Variants in LAMA2 observed in about 807,000 individuals in gnomAD.
The protein encoded by LAMA2 is laminin subunit alpha-2.
Under a neutral mutation model 364.8 loss-of-function variants are expected in LAMA2, and 269 were observed. The observed-to-expected ratio is 0.74, with a 90% CI of 0.67 to 0.82. LAMA2 has a LOEUF of 0.82. LAMA2 is among the 40% of genes least tolerant of loss of function. LAMA2 has a pLI of 0.00. For missense variants in LAMA2, 3,807 were observed against 3,873.2 expected, an observed-to-expected ratio of 0.98 and a Z score of 0.45; for synonymous variants, 1,379 against 1,370.6, an observed-to-expected ratio of 1.01 and a Z score of -0.14.
chr6:128,937,754 C>A (rs1038946866), intron 1 of LAMA2, among the ~76,000 whole-genome samples: 21 of 151,088 alleles, frequency 1.4e-4, no homozygotes, highest in African/African-American at 4.6e-4. Context: ...TTATATTGAT[C>A]TTTTCTATTC....
chr6:129,181,136 A>G (rs918445555), intron 10 of LAMA2, among the ~76,000 whole-genome samples: 6 of 152,118 alleles, frequency 3.9e-5, no homozygotes, highest in African/African-American at 1.2e-4. Flanking sequence ...AATGGGATAC[A>G]TTTTTATTCT....
intron 54 of LAMA2, 121 bp downstream of exon 54, chr6:129,478,934 C>G (rs984445743): frequency 9.2e-6 from 8 of 873,392 alleles, no homozygotes; most frequent in Non-Finnish European, 1.5e-5. Flanking sequence ...TGATCCTACT[C>G]TTAAACGATA....
intron 37 of LAMA2, among the ~76,000 whole-genome samples, 198 bp from the exon 38 acceptor site, chr6:129,401,026 T>C (rs889138292): frequency 6.6e-6 from 1 of 152,212 alleles, no homozygotes; most frequent in Non-Finnish European, 1.5e-5. Context: ...GAAGAAGAAA[T>C]AACCTGTACA....
At chr6:129,375,401 G>T (rs932332577) in intron 34 of LAMA2, among the ~76,000 whole-genome samples, 7 of 152,074 alleles carry the variant, frequency 4.6e-5, no homozygotes, top group Admixed American at 4.6e-4. Context: ...TAAAGACTTG[G>T]AGACAAGTCT....
intron 1 of LAMA2, among the ~76,000 whole-genome samples, chr6:128,974,663 G>A (rs1381014851): frequency 1.3e-5 from 2 of 152,126 alleles, no homozygotes; most frequent in African/African-American, 2.4e-5. Context: ...TTTGGGAAAT[G>A]TTTGAGAAGT....
chr6:129,406,870 C>T (rs1392708646), intron 40 of LAMA2, among the ~76,000 whole-genome samples: 5 of 152,122 alleles, frequency 3.3e-5, no homozygotes, highest in East Asian at 1.9e-4. Context: ...GAAGCCAGCC[C>T]GAGTCCCAAA....
At chr6:128,950,370 A>T (rs538410746) in intron 1 of LAMA2, among the ~76,000 whole-genome samples, 94 of 152,322 alleles carry the variant, frequency 6.2e-4, no homozygotes, top group African/African-American at 2.2e-3. Flanking sequence ...TTATTTCAGA[A>T]GCAACATACC....
chr6:129,338,798 G>A (rs976818953), intron 29 of LAMA2, among the ~76,000 whole-genome samples: 20 of 152,282 alleles, frequency 1.3e-4, no homozygotes, highest in African/African-American at 4.1e-4. Context: ...ATAAGTGCTA[G>A]CCTGATATAC....
intron 1 of LAMA2, among the ~76,000 whole-genome samples, chr6:128,941,874 C>T (rs965620263): frequency 6.6e-6 from 1 of 152,086 alleles, no homozygotes; most frequent in Non-Finnish European, 1.5e-5. Context: ...CAATAATAGA[C>T]CTCCATCACT....
At chr6:129,314,866 C>G in intron 24 of LAMA2, 68 bp downstream of exon 24, 4 of 1,543,962 alleles carry the variant, frequency 2.6e-6, no homozygotes, top group Middle Eastern at 3.8e-4. Context: ...TTTAGTCAGG[C>G]ACTGAGGGGT....
intron 1 of LAMA2, among the ~76,000 whole-genome samples, chr6:128,961,364 T>TATATATATC (rs1781509356): frequency 1.0e-5 from 1 of 100,440 alleles, no homozygotes; most frequent in Non-Finnish European, 2.0e-5. Flanking sequence ...TATATATATA[T>TATATATATC]ATATTAGTTT....
At chr6:128,930,873 C>T (rs1779429070) in intron 1 of LAMA2, among the ~76,000 whole-genome samples, 1 of 152,182 alleles carries the variant, frequency 6.6e-6, no homozygotes, top group Non-Finnish European at 1.5e-5. Context: ...CCTTTTAAAA[C>T]ACCCACGGTT....
At chr6:129,239,004 A>G (rs1358155216) in intron 12 of LAMA2, among the ~76,000 whole-genome samples, 3 of 152,184 alleles carry the variant, frequency 2.0e-5, no homozygotes, top group African/African-American at 7.2e-5. Flanking sequence ...TATAGTAGTC[A>G]GAGAATCTTG....
intron 40 of LAMA2, among the ~76,000 whole-genome samples, chr6:129,422,122 G>A (rs967319308): frequency 3.3e-5 from 5 of 152,018 alleles, no homozygotes; most frequent in African/African-American, 7.2e-5. Flanking sequence ...TGAAATACTC[G>A]CTCTCACATC....
chr6:128,936,561 C>T (rs1228213839), intron 1 of LAMA2, among the ~76,000 whole-genome samples: 1 of 152,092 alleles, frequency 6.6e-6, no homozygotes, highest in Admixed American at 6.6e-5. Flanking sequence ...ATATAGTATG[C>T]TTTTTATTCT....
intron 9 of LAMA2, among the ~76,000 whole-genome samples, chr6:129,171,645 T>C (rs574582410): frequency 2.0e-5 from 3 of 147,352 alleles, no homozygotes; most frequent in Admixed American, 6.8e-5. Context: ...ATCTGACAAT[T>C]ATGTGTCTTG....
chr6:129,093,697 G>A (rs907805241), intron 3 of LAMA2, among the ~76,000 whole-genome samples: 1 of 152,194 alleles, frequency 6.6e-6, no homozygotes, highest in Non-Finnish European at 1.5e-5. Flanking sequence ...GTAATTAAAT[G>A]ATATTTTGTT....
intron 63 of LAMA2, among the ~76,000 whole-genome samples, chr6:129,513,470 G>GC (rs1786768655): frequency 6.6e-6 from 1 of 152,070 alleles, no homozygotes; most frequent in South Asian, 2.1e-4. Context: ...CCTTTTACAT[G>GC]CAAAAGCCTG....
chr6:129,126,904 G>GA lies in LAMA2; in HGVS notation c.640-16991dup, dbSNP rs201514199. ...TGGGCAACATGGTGAAACGCCACCA[G>GA]AAAAAATGCAAAATTAGCAAAGTGC... On this transcript the variant is annotated intron_variant, in intron 4 of 64. Coordinates refer to ENST00000421865, the MANE Select transcript of LAMA2 (RefSeq NM_000426.4). 3.7e-3 allele frequency among the ~76,000 whole-genome samples: 559 copies of GA among 152,136 alleles called. 2 individuals are homozygous for GA. Among genetic ancestry groups the GA allele is most frequent in the African/African-American group, 0.013 (533 of 41,502 alleles).
Sources: gnomAD v4.1 joint callset for allele counts (sites outside exome capture counted in the v4.1 genomes callset) on GRCh38, gnomAD v4.1.1 for gene constraint, MANE v1.5 for transcripts, NCBI Gene and HGNC (gene_info 2026-07-23, HGNC 2026-07-21) for gene names.